Variants in PIWIL3 observed in about 807,000 individuals in gnomAD.
PIWIL3 encodes piwi like RNA-mediated gene silencing 3.
PIWIL3 carries 101 observed loss-of-function variants against 109.7 expected under a neutral mutation model. That is an observed-to-expected ratio of 0.92 (90% CI 0.78 to 1.09). PIWIL3 has a LOEUF of 1.09. Ranked by LOEUF, PIWIL3 falls within the 50% of genes least tolerant of loss-of-function variation. The pLI is 0.00. For synonymous variants in PIWIL3, 373 were observed against 376.4 expected, an observed-to-expected ratio of 0.99 and a Z score of 0.10; for missense variants, 1,031 against 1,072.6, an observed-to-expected ratio of 0.96 and a Z score of 0.54.
intron 8 of PIWIL3, among the ~76,000 whole-genome samples, chr22:24,752,506 T>A (rs1399496568): frequency 6.6e-6 from 1 of 152,062 alleles, no homozygotes; most frequent in East Asian, 1.9e-4. Flanking sequence ...AGACACCACC[T>A]CCTCAAGCCC....
At chr22:24,719,926 C>T (rs781439779) in intron 19 of PIWIL3, 31 bp from the exon 20 acceptor site, 3 of 1,567,514 alleles carry the variant, frequency 1.9e-6, no homozygotes, top group Admixed American at 1.8e-5. Flanking sequence ...GGTATCAGCT[C>T]ATTTTAGAAA....
chr22:24,749,230 C>T (rs145791031), intron 11 of PIWIL3, among the ~76,000 whole-genome samples, 174 bp downstream of exon 11: 4 of 151,996 alleles, frequency 2.6e-5, no homozygotes, highest in East Asian at 1.9e-4. Context: ...ATTCTTCCCC[C>T]CCGGCCTCCT....
chr22:24,733,721 A>T (rs1923488909), intron 14 of PIWIL3, among the ~76,000 whole-genome samples: 1 of 152,100 alleles, frequency 6.6e-6, no homozygotes, highest in African/African-American at 2.4e-5. Context: ...AACAAAAAAA[A>T]ACAGGCAAGA....
intron 3 of PIWIL3, 87 bp from the exon 4 acceptor site, chr22:24,758,126 A>G: frequency 7.0e-7 from 1 of 1,431,878 alleles, no homozygotes; most frequent in Non-Finnish European, 9.4e-7. Context: ...AGTTTGTTAG[A>G]GGTAGAAAAG....
In PIWIL3 at chr22:24,734,102, A is replaced by G. The variant is rs1040171871; in HGVS notation, c.1689T>C (p.Thr563=). ...CACTTACCATCTGCAGTGTTGGTCT[A>G]GTATATTTCCGTAATGTGTCTATAT... is the stretch of plus-strand genomic sequence containing the variant. ...NSYIDTLRKY[T]RPTLQMVICI... is the part of the protein sequence containing the mutation. The change falls in exon 14 of 21, where the codon ACT becomes ACC. Residue 563 remains threonine, a synonymous_variant. Coordinates refer to ENST00000616349, the MANE Select transcript of PIWIL3 (RefSeq NM_001255975.1). 4.3e-6 allele frequency: 7 copies of G among 1,612,438 alleles called. No individual in the cohort carries two copies. In the African/African-American group the frequency reaches 8.0e-5, roughly 18 times the overall value.
chr22:24,741,938 C>T (rs557879566), intron 12 of PIWIL3, among the ~76,000 whole-genome samples: 3 of 151,768 alleles, frequency 2.0e-5, no homozygotes, highest in East Asian at 1.9e-4. Flanking sequence ...ACATCCAAAT[C>T]GGCAAAGAGG....
chr22:24,735,999 T>C (rs1379069045), intron 12 of PIWIL3, 107 bp from the exon 13 acceptor site: 3 of 952,388 alleles, frequency 3.1e-6, no homozygotes, highest in Non-Finnish European at 4.5e-6. Context: ...AATGTTACAA[T>C]TATAAACTTG....
rs1922956110 is a variant in PIWIL3 at position 24,725,800 on chromosome 22, A to C, written c.2010-285T>G. 2.0e-5 allele frequency among the ~76,000 whole-genome samples: 3 copies of C among 150,990 alleles called. No homozygotes were observed. The South Asian group carries it at 6.3e-4, about 32-fold the overall frequency. On this transcript the variant is annotated intron_variant, in intron 16 of 20. Transcript: ENST00000616349. ...ACGACTGCAGTTTCGCCTATGGGGG[A>C]ATGCAATAAAAGGAAATCCCTGTGC... is the stretch of plus-strand genomic sequence containing the variant.
At chr22:24,760,452 G>A (rs1925361417) in intron 2 of PIWIL3, among the ~76,000 whole-genome samples, 1 of 152,108 alleles carries the variant, frequency 6.6e-6, no homozygotes, top group Non-Finnish European at 1.5e-5. Flanking sequence ...ATGAAGGGAA[G>A]GAGGTCATTT....
At position 24,760,780 on chromosome 22, in the gene PIWIL3, C is replaced by CAAAAAAAAA. The variant is rs61469163; in HGVS notation, c.103-800_103-792dup. ...GGGCAACAAGAGCGAAACTCTGTCTCAAAAAAAAAAAAAAAAAAAAAAAGC... is the reference window on the plus strand; with the variant it reads ...GGGCAACAAGAGCGAAACTCTGTCTCAAAAAAAAAAAAAAAAAAAAAAAAAAAAAAAAGC... On this transcript the variant is annotated intron_variant, in intron 2 of 20. Coordinates refer to ENST00000616349, the MANE Select transcript of PIWIL3 (RefSeq NM_001255975.1). Among the ~76,000 whole-genome samples, 401 of 41,020 alleles carry CAAAAAAAAA rather than the reference C, an allele frequency of 9.8e-3. 33 individuals are homozygous for CAAAAAAAAA. The highest frequency in any genetic ancestry group is 0.014 in the Non-Finnish European group (318 of 22,208). The allele number at this position is 41,020 out of a possible 152,430, so 26.9% of individuals were successfully genotyped here.
At chr22:24,747,668 C>A (rs1393666347) in intron 12 of PIWIL3, among the ~76,000 whole-genome samples, 1 of 152,092 alleles carries the variant, frequency 6.6e-6, no homozygotes. Flanking sequence ...ATACAAATAG[C>A]AAACAGGCAT....
intron 12 of PIWIL3, among the ~76,000 whole-genome samples, chr22:24,739,777 GC>G: frequency 1.3e-5 from 2 of 152,254 alleles, no homozygotes; most frequent in East Asian, 3.9e-4. Context: ...AGGGCCGGGG[GC>G]GGTGGCTCAT....
chr22:24,744,178 T>TTAAAA lies in PIWIL3; in HGVS notation c.1449+4728_1449+4729insTTTTA, dbSNP rs1924180538. ...ACTCTAATTGAAAGAGTGACCGAAT[T>TTAAAA]AAAAAAAAAAAAAAAAAAAAAAAAA... On this transcript the variant is annotated intron_variant, in intron 12 of 20. Transcript: ENST00000616349. 8.2e-4 allele frequency among the ~76,000 whole-genome samples: 28 copies of TTAAAA among 34,316 alleles called. 4 individuals are homozygous for TTAAAA. Among genetic ancestry groups the TTAAAA allele is most frequent in the African/African-American group, 1.4e-3 (15 of 10,566 alleles). 22.5% of individuals were successfully genotyped at this position (34,316 alleles called of 152,430 possible).
intron 4 of PIWIL3, among the ~76,000 whole-genome samples, chr22:24,757,637 C>CACACACACACACACACACACAT (rs371066474): frequency 4.1e-5 from 5 of 122,772 alleles, no homozygotes; most frequent in Admixed American, 8.0e-5. Context: ...CACACACACA[C>CACACACACACACACACACACAT]ATATATAAAA....
intron 12 of PIWIL3, 41 bp from the exon 13 acceptor site, chr22:24,735,933 A>T: frequency 6.8e-7 from 1 of 1,475,446 alleles, no homozygotes; most frequent in Non-Finnish European, 9.2e-7. Flanking sequence ...ACTTTATTTT[A>T]AAGATCAACT....
intron 12 of PIWIL3, among the ~76,000 whole-genome samples, chr22:24,741,987 T>A (rs1924036023): frequency 6.6e-6 from 1 of 152,048 alleles, no homozygotes; most frequent in Non-Finnish European, 1.5e-5. Context: ...TATGATTGCA[T>A]ACCTAGAAAA....
chr22:24,769,210 T>C (rs574460622), intron 1 of PIWIL3, among the ~76,000 whole-genome samples: 2 of 152,326 alleles, frequency 1.3e-5, no homozygotes, highest in South Asian at 2.1e-4. Flanking sequence ...CCTAATACCA[T>C]GTAAATACTT....
chr22:24,719,316 G>A lies in PIWIL3; in HGVS notation c.*156C>T. ...AAATCAGTCTGTGGTAGTATTGAGA[G>A]TAGAACATATCACTCTGAATCTCTC... On this transcript the variant is annotated 3_prime_UTR_variant, in exon 21 of 21. Coordinates refer to ENST00000616349, the MANE Select transcript of PIWIL3 (RefSeq NM_001255975.1). 1 of 545,106 alleles carries A rather than the reference G, an allele frequency of 1.8e-6. No individual in the cohort carries two copies. The allele number at this position is 545,106 out of a possible 1,614,324, so 33.8% of individuals were successfully genotyped here. A position where few individuals can be genotyped will look rare whatever the true frequency, so the allele number is the denominator to read the frequency against.
At chr22:24,732,837 C>G (rs1446419142) in intron 14 of PIWIL3, among the ~76,000 whole-genome samples, 1 of 152,006 alleles carries the variant, frequency 6.6e-6, no homozygotes, top group Non-Finnish European at 1.5e-5. Context: ...AAAAGGTAAT[C>G]TTGAGCTTTT....
Sources: gnomAD v4.1 joint callset for allele counts (sites outside exome capture counted in the v4.1 genomes callset) on GRCh38, gnomAD v4.1.1 for gene constraint, MANE v1.5 for transcripts, NCBI Gene and HGNC (gene_info 2026-07-23, HGNC 2026-07-21) for gene names.